The following PRTFDC1 variants were observed in gnomAD, a reference collection of about 807,000 sequenced individuals.
The protein encoded by PRTFDC1 is phosphoribosyl transferase domain containing 1, also known as phosphoribosyltransferase domain-containing protein 1.
A neutral mutation model predicts 34.6 loss-of-function variants in PRTFDC1; 38 were observed. The observed-to-expected ratio is 1.10, with a 90% CI of 0.85 to 1.44. The LOEUF (loss-of-function observed/expected upper bound fraction) is 1.44, where lower values mean the gene tolerates loss of function less well. Among genes scored for constraint, PRTFDC1 ranks in the 40% most tolerant of loss-of-function variants. The pLI, the probability that PRTFDC1 is intolerant of heterozygous loss-of-function variation, is 0.00. For missense variants in PRTFDC1, 270 were observed against 283.0 expected, an observed-to-expected ratio of 0.95 and a Z score of 0.33; for synonymous variants, 93 against 98.1, an observed-to-expected ratio of 0.95 and a Z score of 0.31.
chr10:24,936,469 A>G (rs949138946), intron 3 of PRTFDC1, among the ~76,000 whole-genome samples: 1 of 152,144 alleles, frequency 6.6e-6, no homozygotes. Context: ...CTTTTTGTAT[A>G]TAGACAGGGA....
At chr10:24,908,625 C>T (rs1331316419) in intron 3 of PRTFDC1, 1 of 1,612,422 alleles carries the variant, frequency 6.2e-7, no homozygotes, top group Admixed American at 1.7e-5. Context: ...CTCATATACC[C>T]TTGACTGAAG....
chr10:24,895,062 A>G (rs1848327996), intron 3 of PRTFDC1, among the ~76,000 whole-genome samples: 1 of 152,166 alleles, frequency 6.6e-6, no homozygotes, highest in East Asian at 1.9e-4. Context: ...CGTACCAGTC[A>G]ATGTCTCCTA....
In PRTFDC1 at chr10:24,952,033, G is replaced by C. The variant is rs914340207; in HGVS notation, c.48+495C>G. Among the ~76,000 whole-genome samples the C allele has an allele frequency of 6.6e-6, 1 of 152,214 alleles. No individual in the cohort carries two copies. On this transcript the variant is annotated intron_variant, in intron 1 of 8. Transcript: ENST00000320152. This position sits in a 1 kb window ranked among gnomAD's most constrained non-coding sequence, Gnocchi z 5.1. Reference sequence around the variant, plus strand: ...AGAGCCCCCAACCTGGGTACCAAAGGCTTCAAATCTCAAGCTCTGTCCACT... The same window carrying C: ...AGAGCCCCCAACCTGGGTACCAAAGCCTTCAAATCTCAAGCTCTGTCCACT...
chr10:24,888,239 AG>A (rs750216025), intron 3 of PRTFDC1, among the ~76,000 whole-genome samples: 11 of 152,230 alleles, frequency 7.2e-5, no homozygotes, highest in South Asian at 2.1e-4. Flanking sequence ...AAGATTCCTT[AG>A]TACTGAACAG....
chr10:24,921,237 A>G (rs906186856), intron 3 of PRTFDC1, among the ~76,000 whole-genome samples: 1 of 152,158 alleles, frequency 6.6e-6, no homozygotes, highest in African/African-American at 2.4e-5. Flanking sequence ...GAGGGAGAAT[A>G]TCACACATTT....
At chr10:24,863,131 G>A (rs575698392) in intron 4 of PRTFDC1, among the ~76,000 whole-genome samples, 1 of 152,274 alleles carries the variant, frequency 6.6e-6, no homozygotes, top group South Asian at 2.1e-4. Context: ...CGCTGGCTTG[G>A]CCTCCCAAAG....
chr10:24,864,326 G>T (rs1006804709), intron 4 of PRTFDC1, among the ~76,000 whole-genome samples: 2 of 152,194 alleles, frequency 1.3e-5, no homozygotes, highest in African/African-American at 2.4e-5. Flanking sequence ...TTTGAAAGAA[G>T]TTCTACTGTG....
intron 3 of PRTFDC1, among the ~76,000 whole-genome samples, chr10:24,919,698 C>T (rs1038900381): frequency 6.6e-6 from 1 of 152,006 alleles, no homozygotes; most frequent in Non-Finnish European, 1.5e-5. Context: ...GAACAGACAA[C>T]TTATAGATGG....
rs192833347 is a variant in PRTFDC1 at position 24,877,235 on chromosome 10, A to G, written c.340-5172T>C. On this transcript the variant is annotated intron_variant, in intron 3 of 8. Transcript: ENST00000320152. The stretch of plus-strand genomic sequence containing the variant: ...TTTCCAGTAGAGATTGGGTCTCACT[A>G]TTTTGGTCAAGCTGGTCTCAAACAA... 1.3e-4 allele frequency among the ~76,000 whole-genome samples: 19 copies of G among 151,900 alleles called. No individual in the cohort carries two copies. In the East Asian group the frequency reaches 3.5e-3, roughly 28 times the overall value.
At chr10:24,928,836 G>C (rs1440949558) in intron 3 of PRTFDC1, among the ~76,000 whole-genome samples, 1 of 151,656 alleles carries the variant, frequency 6.6e-6, no homozygotes, top group Admixed American at 6.6e-5. Flanking sequence ...AGGAGATAGA[G>C]ACCATCCTGA....
intron 3 of PRTFDC1, among the ~76,000 whole-genome samples, chr10:24,930,824 C>A (rs1325541613): frequency 6.6e-6 from 1 of 152,190 alleles, no homozygotes; most frequent in Non-Finnish European, 1.5e-5. Context: ...TATTCCTTTT[C>A]ATCCTCTTTA....
intron 3 of PRTFDC1, among the ~76,000 whole-genome samples, chr10:24,929,429 T>C (rs113249071): frequency 1.7e-3 from 252 of 152,246 alleles, no homozygotes; most frequent in African/African-American, 5.8e-3. Context: ...ACACTGTGAG[T>C]TGTATTTTAG....
chr10:24,849,416 A>G lies in PRTFDC1; in HGVS notation c.*428T>C, dbSNP rs959563916. 6.5e-6 allele frequency: 1 copy of G among 154,158 alleles called. No homozygotes were observed. The highest frequency in any genetic ancestry group is 1.4e-5 in the Non-Finnish European group (1 of 69,320). 9.5% of individuals were successfully genotyped at this position (154,158 alleles called of 1,614,324 possible). A position where few individuals can be genotyped will look rare whatever the true frequency, so the allele number is the denominator to read the frequency against. On this transcript the variant is annotated 3_prime_UTR_variant, in exon 9 of 9. Transcript: ENST00000320152. ...CCCGGTATAGGGGACTCAAGTCTTC[A>G]GTTAAAAAAAAGTCCCCAGCTTCTT...
chr10:24,899,337 C>T (rs1319013042), intron 3 of PRTFDC1, among the ~76,000 whole-genome samples: 1 of 152,060 alleles, frequency 6.6e-6, no homozygotes, highest in Non-Finnish European at 1.5e-5. Flanking sequence ...GGTTAAAGCA[C>T]AACTTTGTCT....
chr10:24,880,357 A>G (rs1184111617), intron 3 of PRTFDC1, among the ~76,000 whole-genome samples: 1 of 150,912 alleles, frequency 6.6e-6, no homozygotes. Context: ...GGCTCAAGTG[A>G]TTCTCCTGCC....
chr10:24,864,667 T>G (rs1279204309), intron 4 of PRTFDC1, among the ~76,000 whole-genome samples: 1 of 152,218 alleles, frequency 6.6e-6, no homozygotes, highest in African/African-American at 2.4e-5. Context: ...AGTATAAACA[T>G]AAGTTTTATA....
chr10:24,925,350 A>C lies in PRTFDC1; in HGVS notation c.339+11834T>G, dbSNP rs555259077. Among the ~76,000 whole-genome samples, 4 of 152,286 alleles carry C rather than the reference A, an allele frequency of 2.6e-5. No individual in the cohort carries two copies. In the East Asian group the frequency reaches 5.8e-4, roughly 22 times the overall value. On this transcript the variant is annotated intron_variant, in intron 3 of 8. Transcript: ENST00000320152. Reference sequence around the variant, plus strand: ...TGTCGGGGGCTGGCGGAGGGATAGCATTAGGAGAAATAACTAATGTAAATG... The same window carrying C: ...TGTCGGGGGCTGGCGGAGGGATAGCCTTAGGAGAAATAACTAATGTAAATG...
chr10:24,880,074 A>G (rs1441648571), intron 3 of PRTFDC1, among the ~76,000 whole-genome samples: 1 of 152,116 alleles, frequency 6.6e-6, no homozygotes, highest in Non-Finnish European at 1.5e-5. Flanking sequence ...TCAGCGCTTC[A>G]GTTTCCTTAT....
chr10:24,916,007 T>G (rs1848688827), intron 3 of PRTFDC1, among the ~76,000 whole-genome samples: 1 of 152,156 alleles, frequency 6.6e-6, no homozygotes. Flanking sequence ...GGAAAAATAT[T>G]CCAAAACCAC....
Sources: allele counts gnomAD v4.1 joint callset (sites outside exome capture counted in the v4.1 genomes callset), GRCh38; gene constraint gnomAD v4.1.1; non-coding constraint Gnocchi (gnomAD v3.1); transcripts MANE v1.5; gene names NCBI Gene and HGNC (gene_info 2026-07-23, HGNC 2026-07-21).